Variants in NSG1 observed in about 807,000 individuals in gnomAD.
The protein encoded by NSG1 is neuronal vesicle trafficking associated 1, also known as neuronal vesicle trafficking-associated protein 1.
A neutral mutation model predicts 19.3 loss-of-function variants in NSG1; 9 were observed. The ratio of observed to expected loss-of-function variants is 0.47; its 90% CI spans 0.28 to 0.81. NSG1 has a LOEUF of 0.81. Among genes scored for constraint, NSG1 ranks in the 40% least tolerant of loss-of-function variants. NSG1 has a pLI of 0.11. For missense variants in NSG1, 236 were observed against 242.4 expected, an observed-to-expected ratio of 0.97 and a Z score of 0.18; for synonymous variants, 104 against 107.0, an observed-to-expected ratio of 0.97 and a Z score of 0.17.
rs75001083 is a variant in NSG1, at chr4:4,397,152, C to CT, written c.246+5576dup. Among the ~76,000 whole-genome samples the CT allele has an allele frequency of 8.9e-3, 1,237 of 139,602 alleles. 7 individuals are homozygous for CT. The highest frequency in any genetic ancestry group is 0.037 in the Middle Eastern group (10 of 268). The allele number at this position is 139,602 out of a possible 152,430, so 91.6% of individuals were successfully genotyped here. A position where few individuals can be genotyped will look rare whatever the true frequency, so the allele number is the denominator to read the frequency against. On this transcript the variant is annotated intron_variant, in intron 3 of 4. Coordinates refer to ENST00000621129, the MANE Select transcript of NSG1 (RefSeq NM_014392.5). ...TCATCTTCTTTTTCCAAGTTTTTTC[C>CT]TTTTTTTTTTTTTTTAAACTGAATT...
intron 4 of NSG1, among the ~76,000 whole-genome samples, chr4:4,413,532 G>C (rs939341202): frequency 6.6e-6 from 1 of 151,292 alleles, no homozygotes; most frequent in African/African-American, 2.4e-5. Context: ...GGCAGTGCTG[G>C]CCCTGACCCA....
At chr4:4,412,791 T>G (rs1724285847) in intron 4 of NSG1, among the ~76,000 whole-genome samples, 1 of 152,188 alleles carries the variant, frequency 6.6e-6, no homozygotes, top group Non-Finnish European at 1.5e-5. Context: ...CTCCAGGGCT[T>G]GGCACTGCTG....
chr4:4,396,026 G>C (rs188453804), intron 3 of NSG1, among the ~76,000 whole-genome samples: 1 of 152,208 alleles, frequency 6.6e-6, no homozygotes, highest in Non-Finnish European at 1.5e-5. Flanking sequence ...TCCGCCACAC[G>C]GGATGGCAGG....
At chr4:4,396,702 C>G (rs1364970895) in intron 3 of NSG1, among the ~76,000 whole-genome samples, 1 of 131,236 alleles carries the variant, frequency 7.6e-6, no homozygotes, top group Non-Finnish European at 1.6e-5. Flanking sequence ...TTTCCACATT[C>G]TCCAGTAAGC....
chr4:4,406,581 C>T (rs114274172), intron 3 of NSG1, among the ~76,000 whole-genome samples: 1,811 of 152,212 alleles, frequency 0.012, 36 homozygotes, highest in African/African-American at 0.042. Context: ...GTTGAGAGCC[C>T]GCTCTGCTGT....
chr4:4,393,207 G>T (rs891923468), intron 3 of NSG1, among the ~76,000 whole-genome samples: 2 of 152,168 alleles, frequency 1.3e-5, no homozygotes, highest in African/African-American at 4.8e-5. Context: ...CCCAGCCCCG[G>T]CGTTTTAGGT....
intron 3 of NSG1, among the ~76,000 whole-genome samples, chr4:4,397,374 A>G (rs1723309335): frequency 6.6e-6 from 1 of 152,076 alleles, no homozygotes; most frequent in Non-Finnish European, 1.5e-5. Context: ...TAGGTGGGGA[A>G]ATAAGGCCAG....
intron 4 of NSG1, among the ~76,000 whole-genome samples, chr4:4,411,778 CAAAACAAA>C (rs1724208922): frequency 7.6e-6 from 1 of 131,578 alleles, no homozygotes; most frequent in African/African-American, 4.3e-5. Context: ...CAAAACAAAA[CAAAACAAA>C]ACAAAACATT....
At chr4:4,394,961 C>G (rs972620572) in intron 3 of NSG1, among the ~76,000 whole-genome samples, 5 of 152,224 alleles carry the variant, frequency 3.3e-5, no homozygotes, top group African/African-American at 1.2e-4. Context: ...ACCACACAGT[C>G]AGTGAGTGGC....
intron 3 of NSG1, 110 bp from the exon 4 acceptor site, chr4:4,409,463 A>G: frequency 1.3e-6 from 1 of 794,506 alleles, no homozygotes; most frequent in Non-Finnish European, 2.2e-6. Flanking sequence ...AGGTTCTTCC[A>G]GAGATAGTCT....
chr4:4,407,965 G>C (rs1480983076), intron 3 of NSG1, among the ~76,000 whole-genome samples: 1 of 152,126 alleles, frequency 6.6e-6, no homozygotes, highest in Non-Finnish European at 1.5e-5. Context: ...TCACGGCAGG[G>C]TGGCCGCCCG....
chr4:4,400,309 G>C (rs907544398), intron 3 of NSG1, among the ~76,000 whole-genome samples: 2 of 152,076 alleles, frequency 1.3e-5, no homozygotes, highest in African/African-American at 4.8e-5. Flanking sequence ...ATTGTATTAC[G>C]TGGATTTATA....
intron 3 of NSG1, among the ~76,000 whole-genome samples, chr4:4,408,620 C>A (rs1338332577): frequency 6.6e-6 from 1 of 152,204 alleles, no homozygotes; most frequent in African/African-American, 2.4e-5. Context: ...CACCAACATG[C>A]CCGGCTAATT....
At chr4:4,415,228 CAGTGCTGACTG>C (rs1157407074) in intron 4 of NSG1, among the ~76,000 whole-genome samples, 2 of 152,148 alleles carry the variant, frequency 1.3e-5, no homozygotes, top group Admixed American at 1.3e-4. Flanking sequence ...TACTCTTTTC[CAGTGCTGACTG>C]AGTGCTGGGT....
chr4:4,409,174 A>G (rs911048816), intron 3 of NSG1, among the ~76,000 whole-genome samples: 1 of 152,182 alleles, frequency 6.6e-6, no homozygotes, highest in African/African-American at 2.4e-5. Context: ...TGCTGAGCGG[A>G]TGCTTGGCTG....
chr4:4,403,274 G>T (rs145914145), intron 3 of NSG1, among the ~76,000 whole-genome samples: 2 of 152,272 alleles, frequency 1.3e-5, no homozygotes, highest in East Asian at 3.9e-4. Context: ...ATTCTCCCCA[G>T]GCCTGAAAGT....
At chr4:4,387,561 C>CGGGGGGGGTGGGG in intron 1 of NSG1, 43 bp from the exon 2 acceptor site, 1 of 1,141,992 alleles carries the variant, frequency 8.8e-7, no homozygotes, top group Non-Finnish European at 1.2e-6. Flanking sequence ...CGCCCCGCCC[C>CGGGGGGGGTGGGG]GGGTCTTGCT....
chr4:4,415,548 AC>A (rs151097758), intron 4 of NSG1, among the ~76,000 whole-genome samples: 3,517 of 150,862 alleles, frequency 0.023, 139 homozygotes, highest in African/African-American at 0.08. Flanking sequence ...GAAGCCCTTC[AC>A]CCCCTGGGGT....
At chr4:4,412,355 C>T (rs567819114) in intron 4 of NSG1, among the ~76,000 whole-genome samples, 1 of 151,572 alleles carries the variant, frequency 6.6e-6, no homozygotes, top group African/African-American at 2.4e-5. Flanking sequence ...ATGGAAGGGG[C>T]CTGGCACCTT....
Sources: gnomAD v4.1 joint callset for allele counts (sites outside exome capture counted in the v4.1 genomes callset) on GRCh38, gnomAD v4.1.1 for gene constraint, MANE v1.5 for transcripts, NCBI Gene and HGNC (gene_info 2026-07-23, HGNC 2026-07-21) for gene names.